Variants in UBE3B observed in about 807,000 individuals in gnomAD.
UBE3B encodes ubiquitin protein ligase E3B.
A neutral mutation model predicts 132.3 loss-of-function variants in UBE3B; 80 were observed. That is an observed-to-expected ratio of 0.60 (90% CI 0.50 to 0.73). UBE3B has a LOEUF of 0.73. UBE3B is among the 30% of genes least tolerant of loss of function. The pLI is 0.00. For synonymous variants in UBE3B, 487 were observed against 520.4 expected (o/e 0.94, Z 0.87); for missense variants, 1,196 against 1,362.5 (o/e 0.88, Z 1.92).
downstream of UBE3B, among the ~76,000 whole-genome samples, chr12:109,539,202 C>T (rs898617916): frequency 6.6e-6 from 1 of 152,210 alleles, no homozygotes; most frequent in African/African-American, 2.4e-5. Flanking sequence ...CACCACTGCA[C>T]TCCAGCTTGG....
At position 109,524,430 on chromosome 12, in the gene UBE3B, T is replaced by G; in HGVS notation, c.2503-8T>G. Reference sequence around the variant, plus strand: ...GCCCTAACACTTTCCCCTTCTCTGTTACATTAGCGCTATGATGGGGACATC... The same window carrying G: ...GCCCTAACACTTTCCCCTTCTCTGTGACATTAGCGCTATGATGGGGACATC... On this transcript the variant is annotated splice_polypyrimidine_tract_variant and splice_region_variant and intron_variant, in intron 22 of 27. Transcript: ENST00000342494. 3 of 1,614,166 alleles carry G rather than the reference T, an allele frequency of 1.9e-6. No homozygotes were observed. Among genetic ancestry groups the G allele is most frequent in the Non-Finnish European group, 2.5e-6 (3 of 1,179,994 alleles).
chr12:109,488,059 A>G (rs1388041421), intron 6 of UBE3B, among the ~76,000 whole-genome samples: 3 of 152,248 alleles, frequency 2.0e-5, no homozygotes. Flanking sequence ...AGTGCATCAT[A>G]CGCATTAATC....
Position 109,498,321 on chromosome 12 carries a change from G to C in UBE3B, c.908G>C (p.Ser303Thr). The C allele has an allele frequency of 6.2e-7, 1 of 1,614,140 alleles. No individual in the cohort carries two copies. The highest frequency in any genetic ancestry group is 8.5e-7 in the Non-Finnish European group (1 of 1,179,988). The change falls in exon 11 of 28, where the codon AGT becomes ACT. Residue 303 changes from serine to threonine, a missense_variant. Physicochemically the swap from Ser to Thr is moderately conservative, Grantham distance 58 (BLOSUM62 1). Coordinates refer to ENST00000342494, the MANE Select transcript of UBE3B (RefSeq NM_130466.4). ...GATCGATGCCGTGATGTATGTGAAAGTTTAGAAGGATGCCATACGCTTTGT... is the reference window on the plus strand; with the variant it reads ...GATCGATGCCGTGATGTATGTGAAACTTTAGAAGGATGCCATACGCTTTGT... ...DQDRCRDVCE[S>T]LEGCHTLCLM...
At chr12:109,527,106 G>A (rs1432889356) in intron 24 of UBE3B, among the ~76,000 whole-genome samples, 1 of 152,144 alleles carries the variant, frequency 6.6e-6, no homozygotes, top group Non-Finnish European at 1.5e-5. Context: ...GCACGTGGCA[G>A]TTGTATAAAA....
At chr12:109,494,725 A>T (rs1877955277) in intron 9 of UBE3B, among the ~76,000 whole-genome samples, 1 of 152,186 alleles carries the variant, frequency 6.6e-6, no homozygotes, top group Non-Finnish European at 1.5e-5. Flanking sequence ...GAGTGTTTGC[A>T]GTGTGTGTGG....
At chr12:109,488,001 C>G (rs908119628) in intron 6 of UBE3B, among the ~76,000 whole-genome samples, 5 of 152,222 alleles carry the variant, frequency 3.3e-5, no homozygotes, top group Non-Finnish European at 5.9e-5. Context: ...AAAATTAGAA[C>G]AGCAGCCAAC....
the UBE3B span, among the ~76,000 whole-genome samples, chr12:109,545,501 C>G: frequency 6.6e-6 from 1 of 152,192 alleles, no homozygotes; most frequent in Non-Finnish European, 1.5e-5. Flanking sequence ...TATTCTGATG[C>G]CCACTCAAGT....
In UBE3B at chr12:109,502,999, C is replaced by T. The variant is rs1432832429; in HGVS notation, c.1283-24C>T. On this transcript the variant is annotated intron_variant, in intron 13 of 27. Coordinates refer to ENST00000342494, the MANE Select transcript of UBE3B (RefSeq NM_130466.4). ...TGGCAGCTGGCTGAGCTGCTGCTCA[C>T]ATGTCTTCTTTTCTCCATGCCAGGT... 8 of 1,613,954 alleles carry T rather than the reference C, an allele frequency of 5.0e-6. No individual in the cohort carries two copies. The East Asian group carries it at 1.8e-4, about 36-fold the overall frequency.
chr12:109,534,402 C>T lies in UBE3B; in HGVS notation c.3016-189C>T. The T allele has an allele frequency of 7.1e-7, 1 of 1,414,036 alleles. No homozygotes were observed. Among genetic ancestry groups the T allele is most frequent in the East Asian group, 2.7e-5 (1 of 37,592 alleles). 87.6% of individuals were successfully genotyped at this position (1,414,036 alleles called of 1,614,324 possible). Reference sequence around the variant, plus strand: ...GTGCAGGCCCCAGGGAGAAGGGGTTCCTTCTCTGGAAGCCAGTCGTCTTGT... The same window carrying T: ...GTGCAGGCCCCAGGGAGAAGGGGTTTCTTCTCTGGAAGCCAGTCGTCTTGT... On this transcript the variant is annotated intron_variant, in intron 27 of 27. Coordinates refer to ENST00000342494, the MANE Select transcript of UBE3B (RefSeq NM_130466.4). This position sits in a 1 kb window ranked among gnomAD's most constrained non-coding sequence, Gnocchi z 5.2.
intron 18 of UBE3B, among the ~76,000 whole-genome samples, chr12:109,512,021 G>A (rs1000905481): frequency 2.0e-5 from 3 of 152,172 alleles, no homozygotes; most frequent in African/African-American, 2.4e-5. Flanking sequence ...TACTTGGGGG[G>A]TGTTTTCCTG....
At chr12:109,533,764 C>T (rs1883194202) in intron 27 of UBE3B, 1 of 841,132 alleles carries the variant, frequency 1.2e-6, no homozygotes, top group Non-Finnish European at 1.9e-6. Context: ...TCAGCCCTCT[C>T]TCGGCAGCCC....
At chr12:109,515,115 G>A (rs377446075) in intron 18 of UBE3B, among the ~76,000 whole-genome samples, 4 of 151,390 alleles carry the variant, frequency 2.6e-5, no homozygotes, top group South Asian at 4.2e-4. Context: ...GGGTTTCACC[G>A]TGTTAGCCAG....
In UBE3B at chr12:109,499,722, T is replaced by A; in HGVS notation, c.1030T>A (p.Tyr344Asn). 6.2e-7 allele frequency: 1 copy of A among 1,613,702 alleles called. No individual in the cohort carries two copies. Among genetic ancestry groups the A allele is most frequent in the South Asian group, 1.1e-5 (1 of 91,050 alleles). Residue 344 changes from tyrosine (Y) to asparagine (N), a missense_variant, in exon 12 of 28, where the codon TAC becomes AAC. Tyr to Asn is a moderately radical substitution (Grantham distance 143). Transcript: ENST00000342494. Reference sequence around the variant, plus strand: ...GAGTTTGCTCACCCAGACGCTGTGCTACTGTCGGAAGTATGTGTCTCAGAA... The same window carrying A: ...GAGTTTGCTCACCCAGACGCTGTGCAACTGTCGGAAGTATGTGTCTCAGAA... ...FVSLLTQTLC[Y>N]CRKYVSQKKS... is the part of the protein sequence containing the mutation.
chr12:109,496,115 T>G (rs2135887638), intron 9 of UBE3B, among the ~76,000 whole-genome samples: 1 of 152,346 alleles, frequency 6.6e-6, no homozygotes, highest in Middle Eastern at 3.4e-3. Context: ...CTACTTTCTA[T>G]CTCTTTGGAT....
At chr12:109,501,899 A>G (rs1321180593) in intron 13 of UBE3B, among the ~76,000 whole-genome samples, 1 of 151,736 alleles carries the variant, frequency 6.6e-6, no homozygotes, top group Non-Finnish European at 1.5e-5. Context: ...CCTGACCTCA[A>G]GTGATCCTCC....
In UBE3B at chr12:109,511,207, T is replaced by A. The variant is rs1368617582; in HGVS notation, c.1860T>A (p.Asp620Glu). ...FTPEDHWLRK[D>E]LKPSVLFQEL... ...AACCCATGTCTTTCTTCTCAAGGGA[T>A]CTCAAACCTAGCGTGCTCTTCCAAG... Residue 620 changes from aspartate (D) to glutamate (E), a missense_variant, in exon 18 of 28, where the codon GAT (aspartate) becomes GAA (glutamate). Asp to Glu is a conservative substitution (Grantham distance 45). Transcript: ENST00000342494. The A allele has an allele frequency of 6.2e-7, 1 of 1,613,934 alleles. No homozygotes were observed. The highest frequency in any genetic ancestry group is 1.7e-5 in the Admixed American group (1 of 59,996).
chr12:109,533,898 G>T, intron 27 of UBE3B: 1 of 1,332,564 alleles, frequency 7.5e-7, no homozygotes, highest in Middle Eastern at 2.0e-4. Flanking sequence ...GAGAGAGTGG[G>T]CTCAGGAGGC....
At chr12:109,542,648 C>T in the UBE3B span, among the ~76,000 whole-genome samples, 5 of 152,096 alleles carry the variant, frequency 3.3e-5, no homozygotes, top group Non-Finnish European at 7.4e-5. Flanking sequence ...AGAGAGGACT[C>T]GGCCATGTGA....
At chr12:109,499,595 T>C (rs1316990106) in intron 11 of UBE3B, 38 bp from the exon 12 acceptor site, 13 of 1,509,770 alleles carry the variant, frequency 8.6e-6, no homozygotes, top group Non-Finnish European at 1.2e-5. Context: ...CCAAAATGTT[T>C]GTCTGGGCCC....
Sources: allele counts gnomAD v4.1 joint callset (sites outside exome capture counted in the v4.1 genomes callset), GRCh38; gene constraint gnomAD v4.1.1; non-coding constraint Gnocchi (gnomAD v3.1); transcripts MANE v1.5; gene names NCBI Gene and HGNC (gene_info 2026-07-23, HGNC 2026-07-21).